Variants in MIA3 observed in about 807,000 individuals in gnomAD.
The protein encoded by MIA3 is transport and Golgi organization protein 1 homolog.
A neutral mutation model predicts 192.4 loss-of-function variants in MIA3; 90 were observed. The ratio of observed to expected loss-of-function variants is 0.47; its 90% confidence interval spans 0.39 to 0.56. The LOEUF is 0.56. Among genes scored for constraint, MIA3 ranks in the 20% least tolerant of loss-of-function variants. The probability of loss-of-function intolerance (pLI) is 0.00; values close to 1 mark genes in which losing one functional copy is unlikely to be tolerated. For missense variants in MIA3, 2,123 were observed against 2,269.4 expected (o/e 0.94, Z 1.31); for synonymous variants, 740 against 792.8 (o/e 0.93, Z 1.12).
At chr1:222,663,711 T>G (rs1664136210) in intron 26 of MIA3, among the ~76,000 whole-genome samples, 1 of 152,220 alleles carries the variant, frequency 6.6e-6, no homozygotes, top group Non-Finnish European at 1.5e-5. Flanking sequence ...ATGGCGTAAC[T>G]TCTATCATTA....
chr1:222,665,227 A>C, intron 27 of MIA3, 82 bp from the exon 28 acceptor site: 8 of 773,194 alleles, frequency 1.0e-5, no homozygotes, highest in Non-Finnish European at 1.7e-5. Flanking sequence ...AAAAAGGATG[A>C]CAGACTATAT....
chr1:222,638,484 A>G (rs1191120023), intron 6 of MIA3, among the ~76,000 whole-genome samples: 7 of 152,120 alleles, frequency 4.6e-5, no homozygotes, highest in African/African-American at 1.7e-4. Flanking sequence ...TGAGCCCAGA[A>G]CTTCAAGACC....
chr1:222,619,182 C>T (rs752881132), intron 1 of MIA3, among the ~76,000 whole-genome samples: 3 of 152,174 alleles, frequency 2.0e-5, no homozygotes, highest in Admixed American at 1.3e-4. Context: ...CTCCAAGGGT[C>T]TCATAAGCCA....
intron 6 of MIA3, among the ~76,000 whole-genome samples, chr1:222,642,407 T>A (rs994438402): frequency 6.6e-6 from 1 of 152,222 alleles, no homozygotes; most frequent in African/African-American, 2.4e-5. Context: ...AATTATTTTC[T>A]TTTATAGCTT....
Position 222,629,417 on chromosome 1 carries a change from G to A in MIA3, c.2197G>A (p.Asp733Asn). The A allele has an allele frequency of 6.2e-7, 1 of 1,614,170 alleles. No individual in the cohort carries two copies. The highest frequency in any genetic ancestry group is 1.1e-5 in the South Asian group (1 of 91,080). ...TTATCCCTCTGAAGAACTACTAGAGGATGAAAACGCTATAAATGCAAAACG... is the reference window on the plus strand; with the variant it reads ...TTATCCCTCTGAAGAACTACTAGAGAATGAAAACGCTATAAATGCAAAACG... The part of the protein sequence containing the change: ...DDYPSEELLE[D>N]ENAINAKRSK... Residue 733 changes from aspartate (D) to asparagine (N), a missense_variant, in exon 4 of 28, where the codon GAT becomes AAT. Asp to Asn is a conservative substitution (Grantham distance 23, BLOSUM62 1). Transcript: ENST00000344922.
chr1:222,639,156 G>A (rs1662751488), intron 6 of MIA3, among the ~76,000 whole-genome samples: 1 of 152,166 alleles, frequency 6.6e-6, no homozygotes, highest in Admixed American at 6.5e-5. Flanking sequence ...CAATTTAGAT[G>A]AAGAAATTCT....
chr1:222,660,205 C>A lies in MIA3; in HGVS notation c.5004C>A (p.Gly1668=). The A allele has an allele frequency of 6.2e-7, 1 of 1,613,756 alleles. No homozygotes were observed. The highest frequency in any genetic ancestry group is 1.1e-5 in the South Asian group (1 of 91,014). The change falls in exon 24 of 28, where the codon GGC becomes GGA. Residue 1668 remains glycine, a synonymous_variant. Coordinates refer to ENST00000344922, the MANE Select transcript of MIA3 (RefSeq NM_198551.4). ...RGPLSQNGSF[G]PSPVSGGECS... is the part of the protein sequence containing the mutation. The stretch of plus-strand genomic sequence containing the variant: ...CTCTGAGCCAGAATGGCTCTTTTGG[C>A]CCATCCCCTGTGAGTGGTGGAGAAT...
chr1:222,618,257 A>C lies in MIA3; in HGVS notation c.133+14A>C, dbSNP rs1026920013. Reference sequence around the variant, plus strand: ...ACGAATGCAGCAGTGAGTGCGCTGGAGGGGCGGCTGGCCTCGGGGCGGCTG... The same window carrying C: ...ACGAATGCAGCAGTGAGTGCGCTGGCGGGGCGGCTGGCCTCGGGGCGGCTG... On this transcript the variant is annotated intron_variant, in intron 1 of 27. Transcript: ENST00000344922. 98 of 1,426,706 alleles carry C rather than the reference A, an allele frequency of 6.9e-5. No individual in the cohort carries two copies. Among genetic ancestry groups the C allele is most frequent in the South Asian group, 2.5e-4 (18 of 72,592 alleles). 88.4% of individuals were successfully genotyped at this position (1,426,706 alleles called of 1,614,324 possible). A position where few individuals can be genotyped will look rare whatever the true frequency, so the allele number is the denominator to read the frequency against.
intron 18 of MIA3, among the ~76,000 whole-genome samples, chr1:222,657,014 C>T (rs559778619): frequency 3.0e-4 from 46 of 152,202 alleles, no homozygotes; most frequent in Non-Finnish European, 4.9e-4. Flanking sequence ...TTTCTCTGGT[C>T]TTCTAGATTG....
chr1:222,618,932 T>A (rs1431249864), intron 1 of MIA3, among the ~76,000 whole-genome samples: 1 of 152,132 alleles, frequency 6.6e-6, no homozygotes, highest in Non-Finnish European at 1.5e-5. Flanking sequence ...CTTTGATCAA[T>A]CCTGTCGTTT....
At chr1:222,644,432 C>G (rs1237730632) in intron 6 of MIA3, 1 of 1,549,576 alleles carries the variant, frequency 6.5e-7, no homozygotes, top group Admixed American at 2.0e-5. Context: ...GGGCCCAGTG[C>G]CATTCCGCAG....
rs1021683291 is a variant in MIA3 at position 222,635,852 on chromosome 1, G to T, written c.3477+2603G>T. The stretch of plus-strand genomic sequence containing the variant: ...GCCATTTTGGGACCTGTGCGTCACC[G>T]GTTCCTAGTGTAAGCCGCCTACCTT... On this transcript the variant is annotated intron_variant, in intron 6 of 27. Transcript: ENST00000344922. Among the ~76,000 whole-genome samples, 4 of 152,248 alleles carry T rather than the reference G, an allele frequency of 2.6e-5. No individual in the cohort carries two copies. In the East Asian group the frequency reaches 7.7e-4, roughly 29 times the overall value.
chr1:222,658,690 A>C (rs367795428), intron 18 of MIA3, 32 bp from the exon 19 acceptor site: 3 of 1,508,896 alleles, frequency 2.0e-6, no homozygotes, highest in Non-Finnish European at 2.7e-6. Flanking sequence ...GGAAAAGAGA[A>C]ACACTTTCAT....
intron 6 of MIA3, chr1:222,644,406 A>G (rs530405272): frequency 1.3e-6 from 2 of 1,541,806 alleles, no homozygotes; most frequent in African/African-American, 2.7e-5. Flanking sequence ...CGGAGGAGGA[A>G]GCTCTGAAAA....
At chr1:222,659,402 G>C in intron 19 of MIA3, 51 bp from the exon 20 acceptor site, 1 of 1,515,632 alleles carries the variant, frequency 6.6e-7, no homozygotes, top group Non-Finnish European at 9.2e-7. Flanking sequence ...CAGATTGTTT[G>C]GGTTTTTATT....
intron 11 of MIA3, among the ~76,000 whole-genome samples, chr1:222,651,773 A>G (rs189427213): frequency 1.6e-4 from 24 of 152,222 alleles, no homozygotes; most frequent in African/African-American, 4.1e-4. Flanking sequence ...GTATGCTGTG[A>G]AATATTTATG....
At chr1:222,645,044 A>T (rs1349664526) in intron 6 of MIA3, among the ~76,000 whole-genome samples, 1 of 152,244 alleles carries the variant, frequency 6.6e-6, no homozygotes, top group East Asian at 1.9e-4. Context: ...GAGCTATCCG[A>T]ACTTAGTCAG....
rs1361751066 is a variant in MIA3, at chr1:222,628,916, C to T, written c.1696C>T (p.Gln566Ter). 1 of 1,614,036 alleles carries T rather than the reference C, an allele frequency of 6.2e-7. No individual in the cohort carries two copies. Among genetic ancestry groups the T allele is most frequent in the Non-Finnish European group, 8.5e-7 (1 of 1,180,036 alleles). ...SESAQKAAGN[Q>*]MNDRKIQQES... Reference sequence around the variant, plus strand: ...ATCTGCACAGAAAGCTGCAGGGAATCAAATGAATGACAGAAAGATTCAACA... The same window carrying T: ...ATCTGCACAGAAAGCTGCAGGGAATTAAATGAATGACAGAAAGATTCAACA... The change falls in exon 4 of 28, where the codon CAA becomes TAA. Residue 566 changes from glutamine (Q) to a stop codon, truncating the protein, a stop_gained. Coordinates refer to ENST00000344922, the MANE Select transcript of MIA3 (RefSeq NM_198551.4). LOFTEE classifies it high-confidence loss of function.
chr1:222,660,350 G>T, intron 24 of MIA3, 36 bp downstream of exon 24: 1 of 1,583,194 alleles, frequency 6.3e-7, no homozygotes, highest in South Asian at 1.2e-5. Flanking sequence ...ATACTCTTTT[G>T]GGTGGCTTTT....
Sources: allele counts gnomAD v4.1 joint callset (sites outside exome capture counted in the v4.1 genomes callset), GRCh38; gene constraint gnomAD v4.1.1; transcripts MANE v1.5; gene names NCBI Gene and HGNC (gene_info 2026-07-23, HGNC 2026-07-21).